MCF2L2: variants seen among roughly 807,000 people sequenced by gnomAD.
The protein encoded by MCF2L2 is MCF.2 cell line derived transforming sequence-like 2, also known as probable guanine nucleotide exchange factor MCF2L2.
In MCF2L2, 102 loss-of-function variants were observed where a neutral mutation model predicts 150.2. That is an observed-to-expected ratio of 0.68 (90% CI 0.58 to 0.80). MCF2L2 has a LOEUF of 0.80. MCF2L2 is among the 30% of genes least tolerant of loss of function. The probability of loss-of-function intolerance (pLI) is 0.00; values close to 1 mark genes in which losing one functional copy is unlikely to be tolerated. For synonymous variants in MCF2L2, 465 were observed against 491.3 expected (o/e 0.95, Z 0.71); for missense variants, 1,256 against 1,372.8 (o/e 0.91, Z 1.34).
rs202009914 is a variant in MCF2L2 at position 183,351,246 on chromosome 3, T to A, written c.276-9616A>T. On this transcript the variant is annotated intron_variant, in intron 3 of 29. Coordinates refer to ENST00000328913, the MANE Select transcript of MCF2L2 (RefSeq NM_015078.4). ...TATATATATATATATATTTATTTAT[T>A]TATTTATCAGAACCCCAGGGCTCAA... Among the ~76,000 whole-genome samples, 158 of 94,304 alleles carry A rather than the reference T, an allele frequency of 1.7e-3. 1 individual carries two copies. The highest frequency in any genetic ancestry group is 3.8e-3 in the African/African-American group (66 of 17,548). 61.9% of individuals were successfully genotyped at this position (94,304 alleles called of 152,430 possible).
chr3:183,184,379 C>T (rs73182941), intron 27 of MCF2L2, among the ~76,000 whole-genome samples: 25,421 of 152,058 alleles, frequency 0.17, 2,404 homozygotes, highest in East Asian at 0.3. Flanking sequence ...GACTTTTGTC[C>T]CAGCCAAGAT....
intron 15 of MCF2L2, among the ~76,000 whole-genome samples, chr3:183,234,687 CTTT>C (rs71185647): frequency 4.0e-4 from 34 of 84,234 alleles, no homozygotes; most frequent in South Asian, 1.3e-3. Flanking sequence ...ATGTATGACT[CTTT>C]TTTTTTTTTT....
rs566254463 is a variant in MCF2L2, at chr3:183,371,592, C to A, written c.275+7705G>T. On this transcript the variant is annotated intron_variant, in intron 3 of 29. Coordinates refer to ENST00000328913, the MANE Select transcript of MCF2L2 (RefSeq NM_015078.4). The stretch of plus-strand genomic sequence containing the variant: ...AAGCAATTCCCCTGTCTCAGCCTCC[C>A]AAGTAGCTGGGATTACAGGCTTATG... Among the ~76,000 whole-genome samples the A allele has an allele frequency of 1.1e-3, 160 of 151,740 alleles. 1 individual carries two copies. The highest frequency in any genetic ancestry group is 1.9e-3 in the Non-Finnish European group (127 of 67,918).
intron 15 of MCF2L2, among the ~76,000 whole-genome samples, chr3:183,252,083 C>A (rs918693051): frequency 6.6e-6 from 1 of 150,924 alleles, no homozygotes; most frequent in African/African-American, 2.4e-5. Context: ...GGGTACAGTT[C>A]TATGTGCTCA....
At chr3:183,306,148 C>A (rs528341403) in intron 10 of MCF2L2, among the ~76,000 whole-genome samples, 1 of 152,334 alleles carries the variant, frequency 6.6e-6, no homozygotes, top group Admixed American at 6.5e-5. Context: ...GATTTGAATC[C>A]ATCCCTATCC....
intron 15 of MCF2L2, among the ~76,000 whole-genome samples, chr3:183,246,602 G>C (rs751994096): frequency 6.6e-6 from 1 of 152,106 alleles, no homozygotes; most frequent in Non-Finnish European, 1.5e-5. Context: ...ATGAACACCT[G>C]GGTTGTTTTC....
chr3:183,414,978 T>C (rs1715512338), intron 1 of MCF2L2, among the ~76,000 whole-genome samples: 1 of 152,242 alleles, frequency 6.6e-6, no homozygotes, highest in East Asian at 1.9e-4. Flanking sequence ...TGGTCTGTCC[T>C]GGAGAATGTT....
At chr3:183,241,084 G>A (rs184924475) in intron 15 of MCF2L2, among the ~76,000 whole-genome samples, 2 of 152,208 alleles carry the variant, frequency 1.3e-5, no homozygotes, top group South Asian at 4.1e-4. Context: ...GTGTGATAAG[G>A]TAAGGCTAGT....
intron 1 of MCF2L2, among the ~76,000 whole-genome samples, chr3:183,408,943 T>C (rs1461232468): frequency 2.0e-5 from 3 of 152,260 alleles, no homozygotes; most frequent in Non-Finnish European, 4.4e-5. Flanking sequence ...TGCTGCCACC[T>C]TGCCATGATA....
At chr3:183,366,525 A>G (rs1340338917) in intron 3 of MCF2L2, among the ~76,000 whole-genome samples, 3 of 152,294 alleles carry the variant, frequency 2.0e-5, no homozygotes, top group East Asian at 3.9e-4. Context: ...TGTGCCAGTA[A>G]TCCCAGCTAC....
At chr3:183,398,652 A>G (rs1484364362) in intron 1 of MCF2L2, among the ~76,000 whole-genome samples, 2 of 152,098 alleles carry the variant, frequency 1.3e-5, no homozygotes, top group East Asian at 3.8e-4. Context: ...AATTACATAA[A>G]CTATGGGTCT....
intron 3 of MCF2L2, among the ~76,000 whole-genome samples, chr3:183,342,427 T>C (rs1730737261): frequency 6.6e-6 from 1 of 152,118 alleles, no homozygotes; most frequent in South Asian, 2.1e-4. Context: ...ATATTACCAG[T>C]AATGAGATGG....
chr3:183,369,257 T>A (rs4859175), intron 3 of MCF2L2, among the ~76,000 whole-genome samples: 6,084 of 152,166 alleles, frequency 0.04, 344 homozygotes, highest in African/African-American at 0.12. Context: ...CTTTCTTCCC[T>A]AAGGCTTTCA....
intron 14 of MCF2L2, among the ~76,000 whole-genome samples, chr3:183,278,609 C>G (rs1577017385): frequency 6.6e-6 from 1 of 152,112 alleles, no homozygotes; most frequent in Non-Finnish European, 1.5e-5. Flanking sequence ...TCTTTGGATC[C>G]CCAGCGTGTA....
At chr3:183,248,315 A>T (rs1576957749) in intron 15 of MCF2L2, among the ~76,000 whole-genome samples, 1 of 152,118 alleles carries the variant, frequency 6.6e-6, no homozygotes, top group Non-Finnish European at 1.5e-5. Context: ...TTAATTTATC[A>T]TAGACTTTAG....
At chr3:183,232,586 G>T (rs572504518) in intron 15 of MCF2L2, among the ~76,000 whole-genome samples, 1 of 152,180 alleles carries the variant, frequency 6.6e-6, no homozygotes, top group Admixed American at 6.5e-5. Context: ...ACTATTGATG[G>T]ATTATCTATT....
At chr3:183,279,312 A>G (rs1031148999) in intron 14 of MCF2L2, among the ~76,000 whole-genome samples, 15 of 152,280 alleles carry the variant, frequency 9.9e-5, no homozygotes, top group African/African-American at 3.6e-4. Flanking sequence ...TTTTAAAATT[A>G]CACATTTTGA....
At chr3:183,309,617 T>C in intron 10 of MCF2L2, 99 bp downstream of exon 10, 1 of 1,513,666 alleles carries the variant, frequency 6.6e-7, no homozygotes, top group Non-Finnish European at 9.1e-7. Flanking sequence ...TGGGCATTCC[T>C]GTGTCCTTTA....
chr3:183,257,958 CTTTTTTTTTTTTTT>C (rs35323502), intron 15 of MCF2L2, among the ~76,000 whole-genome samples: 24 of 64,724 alleles, frequency 3.7e-4, no homozygotes, highest in East Asian at 6.0e-4. Flanking sequence ...CCACTTCACC[CTTTTTTTTTTTTTT>C]TTTTTTTTTT....
Sources: allele counts gnomAD v4.1 joint callset (sites outside exome capture counted in the v4.1 genomes callset), GRCh38; gene constraint gnomAD v4.1.1; transcripts MANE v1.5; gene names NCBI Gene and HGNC (gene_info 2026-07-23, HGNC 2026-07-21).